The following FAM171A1 variants were observed in gnomAD, a reference collection of about 807,000 sequenced individuals.
The protein encoded by FAM171A1 is protein FAM171A1.
Under a neutral mutation model 74.9 loss-of-function variants are expected in FAM171A1, and 23 were observed. That is an observed-to-expected ratio of 0.31 (90% confidence interval 0.22 to 0.44). The LOEUF (loss-of-function observed/expected upper bound fraction) is 0.44. FAM171A1 is among the 20% of genes least tolerant of loss of function. FAM171A1 has a pLI of 1.00. For synonymous variants in FAM171A1, 527 were observed against 505.7 expected (o/e 1.04, Z -0.57); for missense variants, 1,162 against 1,159.2 (o/e 1.00, Z -0.03).
Position 15,350,212 on chromosome 10 carries a change from C to T in FAM171A1, c.97+20744G>A, listed in dbSNP as rs1188272400. 2.0e-5 allele frequency among the ~76,000 whole-genome samples: 3 copies of T among 152,156 alleles called. No individual in the cohort carries two copies. In the East Asian group the frequency reaches 5.8e-4, roughly 29 times the overall value. ...TGCTCTTTTTCGAATACTTCATAAA[C>T]TTAGACATCTTAGTTGTGGCTGATG... On this transcript the variant is annotated intron_variant, in intron 1 of 7. Coordinates refer to ENST00000378116, the MANE Select transcript of FAM171A1 (RefSeq NM_001010924.2).
At chr10:15,302,170 C>T (rs1397543016) in intron 1 of FAM171A1, among the ~76,000 whole-genome samples, 1 of 152,144 alleles carries the variant, frequency 6.6e-6, no homozygotes, top group African/African-American at 2.4e-5. Context: ...ATTAGTTTAA[C>T]ATGTTGTTCT....
intron 4 of FAM171A1, among the ~76,000 whole-genome samples, chr10:15,254,438 T>G (rs1371644412): frequency 1.3e-5 from 2 of 152,220 alleles, no homozygotes; most frequent in African/African-American, 4.8e-5. Context: ...TTTCTCTGAA[T>G]TGAATATATT....
At chr10:15,345,017 C>T (rs1835803101) in intron 1 of FAM171A1, among the ~76,000 whole-genome samples, 2 of 152,192 alleles carry the variant, frequency 1.3e-5, no homozygotes, top group Non-Finnish European at 2.9e-5. Flanking sequence ...TCACACCTTG[C>T]GTCATACACG....
intron 1 of FAM171A1, among the ~76,000 whole-genome samples, chr10:15,363,267 T>A (rs34743735): frequency 0.072 from 10,919 of 152,280 alleles, 503 homozygotes; most frequent in Middle Eastern, 0.11. Flanking sequence ...CTTCGCATTA[T>A]TCTGCAGGAC....
rs374863695 is a variant in FAM171A1, at chr10:15,343,437, G to A, written c.97+27519C>T. Among the ~76,000 whole-genome samples the A allele has an allele frequency of 1.1e-3, 172 of 152,310 alleles. 2 individuals carry two copies. In the South Asian group the frequency reaches 0.033, roughly 29 times the overall value. On this transcript the variant is annotated intron_variant, in intron 1 of 7. Coordinates refer to ENST00000378116, the MANE Select transcript of FAM171A1 (RefSeq NM_001010924.2). ...GGCGGGAAGTGTCTGGACCCTCAGC[G>A]CCTAGAACAGTGCTTGGATCACTGT...
chr10:15,239,856 G>A (rs763027366), intron 5 of FAM171A1, among the ~76,000 whole-genome samples: 1 of 152,170 alleles, frequency 6.6e-6, no homozygotes, highest in Non-Finnish European at 1.5e-5. Context: ...GAAGTGTTTT[G>A]GATTTTGGAA....
In FAM171A1 at chr10:15,215,984, G is replaced by A. The variant is rs764253594; in HGVS notation, c.986+12C>T. 1.7e-5 allele frequency: 27 copies of A among 1,547,140 alleles called. No individual in the cohort carries two copies. Among genetic ancestry groups the A allele is most frequent in the Non-Finnish European group, 1.8e-6 (2 of 1,140,524 alleles). The stretch of plus-strand genomic sequence containing the variant: ...AATTAAAAAAGATATTGCCAAAATG[G>A]TAACACTTTACCTGCAATAATATAA... On this transcript the variant is annotated intron_variant, in intron 7 of 7. Transcript: ENST00000378116.
chr10:15,365,972 C>T (rs1262678050), intron 1 of FAM171A1, among the ~76,000 whole-genome samples: 1 of 152,020 alleles, frequency 6.6e-6, no homozygotes, highest in African/African-American at 2.4e-5. Flanking sequence ...GGTTAGTTGC[C>T]TCAAATTTTG....
chr10:15,362,553 A>G (rs1914551), intron 1 of FAM171A1, among the ~76,000 whole-genome samples: 148,450 of 152,294 alleles, frequency 0.97, 72,454 homozygotes, highest in Middle Eastern at 1. Context: ...GTGAAACCCC[A>G]TCTCTACTAA....
At chr10:15,353,020 C>T (rs1165910186) in intron 1 of FAM171A1, among the ~76,000 whole-genome samples, 1 of 152,228 alleles carries the variant, frequency 6.6e-6, no homozygotes, top group Non-Finnish European at 1.5e-5. Flanking sequence ...TAAAAGGGCG[C>T]TCTGTGCTCC....
intron 3 of FAM171A1, among the ~76,000 whole-genome samples, chr10:15,274,902 C>G (rs1036732548): frequency 6.6e-6 from 1 of 152,144 alleles, no homozygotes; most frequent in African/African-American, 2.4e-5. Flanking sequence ...CACATGTACA[C>G]CATGGAATAC....
chr10:15,266,807 T>C (rs1834748451), intron 3 of FAM171A1, among the ~76,000 whole-genome samples: 1 of 147,044 alleles, frequency 6.8e-6, no homozygotes, highest in African/African-American at 2.5e-5. Context: ...AGGTCAAGGC[T>C]GCAGTGAGCT....
upstream of FAM171A1, among the ~76,000 whole-genome samples, chr10:15,374,162 T>G (rs1312191303): frequency 1.3e-5 from 2 of 152,194 alleles, no homozygotes; most frequent in Admixed American, 1.3e-4. Flanking sequence ...AATTGGAACT[T>G]TAGGAGAAGT....
intron 3 of FAM171A1, among the ~76,000 whole-genome samples, chr10:15,258,869 C>T (rs1448193992): frequency 3.3e-5 from 5 of 152,212 alleles, no homozygotes; most frequent in African/African-American, 1.2e-4. Context: ...AGGGCTACCA[C>T]CCATCGCCTG....
intron 1 of FAM171A1, among the ~76,000 whole-genome samples, chr10:15,365,669 C>T (rs778787079): frequency 6.6e-6 from 1 of 151,704 alleles, no homozygotes; most frequent in African/African-American, 2.4e-5. Context: ...ACTAGGGAGG[C>T]CGAGGCAGGA....
At chr10:15,238,903 A>G (rs564423961) in intron 5 of FAM171A1, among the ~76,000 whole-genome samples, 1 of 152,338 alleles carries the variant, frequency 6.6e-6, no homozygotes. Context: ...GAGAGTATCC[A>G]AATCATATAA....
rs45612734 is a variant in FAM171A1 at position 15,275,835 on chromosome 10, G to GA, written c.418+19dup. 2.0e-6 allele frequency: 3 copies of GA among 1,523,570 alleles called. No homozygotes were observed. The highest frequency in any genetic ancestry group is 1.2e-5 in the South Asian group (1 of 84,996). 94.4% of individuals were successfully genotyped at this position (1,523,570 alleles called of 1,614,324 possible). On this transcript the variant is annotated intron_variant, in intron 3 of 7. Coordinates refer to ENST00000378116, the MANE Select transcript of FAM171A1 (RefSeq NM_001010924.2). ...TCCATCAAAAATAACAATAAAAACTGAAAAAAATATTAAATATACCTTGGA... is the reference window on the plus strand; with the variant it reads ...TCCATCAAAAATAACAATAAAAACTGAAAAAAAATATTAAATATACCTTGGA...
chr10:15,214,671 G>A (rs1198037953), intron 7 of FAM171A1, 70 bp from the exon 8 acceptor site: 28 of 1,486,720 alleles, frequency 1.9e-5, no homozygotes, highest in Non-Finnish European at 2.5e-5. Context: ...CAAGTTTCAG[G>A]TAAAATCCTA....
At chr10:15,231,512 C>A (rs892296422) in intron 5 of FAM171A1, among the ~76,000 whole-genome samples, 1 of 152,024 alleles carries the variant, frequency 6.6e-6, no homozygotes, top group East Asian at 1.9e-4. Context: ...CCTGAGAACG[C>A]GGTTCTAACG....
Sources: allele counts gnomAD v4.1 joint callset (sites outside exome capture counted in the v4.1 genomes callset), GRCh38; gene constraint gnomAD v4.1.1; transcripts MANE v1.5; gene names NCBI Gene and HGNC (gene_info 2026-07-23, HGNC 2026-07-21).